The following ABCB4 variants were observed in gnomAD, a reference collection of about 807,000 sequenced individuals.
The protein encoded by ABCB4 is phosphatidylcholine translocator ABCB4.
In ABCB4, 76 loss-of-function variants were observed where a neutral mutation model predicts 145.7. The ratio of observed to expected loss-of-function variants is 0.52; its 90% CI spans 0.43 to 0.63. The LOEUF is 0.63. Among genes scored for constraint, ABCB4 ranks in the 30% least tolerant of loss-of-function variants. The pLI, the probability that ABCB4 is intolerant of heterozygous loss-of-function variation, is 0.00. For synonymous variants in ABCB4, 517 were observed against 566.8 expected (o/e 0.91, Z 1.25); for missense variants, 1,234 against 1,553.1 (o/e 0.79, Z 3.45).
Position 87,444,866 on chromosome 7 carries a change from T to G in ABCB4, c.1115A>C (p.Asp372Ala). The G allele has an allele frequency of 1.9e-6, 3 of 1,603,660 alleles. No homozygotes were observed. The South Asian group carries it at 3.3e-5, about 18-fold the overall frequency. ...CTAAAATAATAAATGACTTACATTA[T>G]CAATAATATCAAAGATCACATATGC... ...GAAYVIFDIIDNNPKIDSFSE... is the reference protein window; with the variant it reads ...GAAYVIFDIIANNPKIDSFSE... The change falls in exon 10 of 28, where the codon GAT (aspartate) becomes GCT (alanine). Residue 372 changes from aspartate to alanine, a missense_variant. Physicochemically the swap from Asp to Ala is moderately radical, Grantham distance 126. This residue lies in a region of ABCB4 where 467 missense variants were observed against 632.8 expected (regional missense o/e 0.74). Transcript: ENST00000649586.
the ABCB4 span, chr7:87,382,222 C>T: frequency 1.8e-5 from 27 of 1,518,032 alleles, no homozygotes; most frequent in African/African-American, 3.1e-4. Flanking sequence ...ATGATTTTTT[C>T]TTTTAACAAC....
At chr7:87,454,824 G>C (rs897728835) in intron 4 of ABCB4, among the ~76,000 whole-genome samples, 9 of 152,204 alleles carry the variant, frequency 5.9e-5, no homozygotes, top group African/African-American at 2.2e-4. Flanking sequence ...GAAAGGGGAA[G>C]ATAAGCCCTC....
chr7:87,416,267 T>G (rs982824914), intron 21 of ABCB4, among the ~76,000 whole-genome samples: 13 of 152,202 alleles, frequency 8.5e-5, no homozygotes, highest in Non-Finnish European at 1.5e-4. Flanking sequence ...GAAACATGGT[T>G]AGTCCGAATG....
chr7:87,418,439 A>C, intron 20 of ABCB4, 98 bp downstream of exon 20: 1 of 1,157,504 alleles, frequency 8.6e-7, no homozygotes, highest in Non-Finnish European at 1.3e-6. Flanking sequence ...GCTTTCTGCT[A>C]TTTCTAGCTG....
At chr7:87,472,925 GATA>G (rs1208089665) in intron 2 of ABCB4, among the ~76,000 whole-genome samples, 2 of 152,106 alleles carry the variant, frequency 1.3e-5, no homozygotes, top group African/African-American at 4.8e-5. Context: ...ACACAGGAAA[GATA>G]AGTATGCTAA....
At chr7:87,398,439 C>G, downstream of ABCB4, 1 of 1,470,060 alleles carries the variant, frequency 6.8e-7, no homozygotes, top group South Asian at 1.1e-5. Flanking sequence ...GTATGAATAT[C>G]CAGATGAAAT....
chr7:87,369,565 C>A, the ABCB4 span: 2 of 774,858 alleles, frequency 2.6e-6, no homozygotes, highest in African/African-American at 1.8e-5. Context: ...AATTGCCTTT[C>A]AAGGTGATAG....
At chr7:87,414,888 AATAG>A (rs1347565886) in intron 21 of ABCB4, among the ~76,000 whole-genome samples, 4 of 152,230 alleles carry the variant, frequency 2.6e-5, no homozygotes, top group Admixed American at 1.3e-4. Flanking sequence ...TTGAAAGGGA[AATAG>A]TATTCCTATT....
rs2302386 is a variant in ABCB4, at chr7:87,462,628, A to G, written c.286+130T>C. On this transcript the variant is annotated intron_variant, in intron 4 of 27. Coordinates refer to ENST00000649586, the MANE Select transcript of ABCB4 (RefSeq NM_000443.4). ...TTCTGAGAATTTTACAACTCCTTCTATGATATCTGGAGTCAACCAGATATC... is the reference window on the plus strand; with the variant it reads ...TTCTGAGAATTTTACAACTCCTTCTGTGATATCTGGAGTCAACCAGATATC... 0.16 allele frequency: 128,990 copies of G among 831,914 alleles called. 11,006 individuals are homozygous for G. The highest frequency in any genetic ancestry group is 0.29 in the African/African-American group (17,097 of 58,432). The allele number at this position is 831,914 out of a possible 1,614,324, so 51.5% of individuals were successfully genotyped here.
intron 3 of ABCB4, among the ~76,000 whole-genome samples, chr7:87,471,626 T>C (rs1813407141): frequency 1.3e-5 from 2 of 152,330 alleles, no homozygotes; most frequent in African/African-American, 4.8e-5. Flanking sequence ...GGATTTCAGC[T>C]GACATGACAC....
chr7:87,440,917 T>A (rs985900975), intron 12 of ABCB4, among the ~76,000 whole-genome samples: 1 of 152,150 alleles, frequency 6.6e-6, no homozygotes, highest in Non-Finnish European at 1.5e-5. Flanking sequence ...ATTTTCTGTA[T>A]TTTTAGTAGA....
At chr7:87,434,002 T>A (rs1473742778) in intron 14 of ABCB4, among the ~76,000 whole-genome samples, 1 of 151,838 alleles carries the variant, frequency 6.6e-6, no homozygotes, top group African/African-American at 2.4e-5. Context: ...TGATCTTGGC[T>A]TATGCAACCT....
rs886044199 is a variant in ABCB4, at chr7:87,406,403, C to T, written c.3371G>A (p.Cys1124Tyr). Residue 1124 changes from cysteine (C) to tyrosine (Y), a missense_variant, in exon 26 of 28, where the codon TGC becomes TAC. Cys to Tyr is a radical substitution (Grantham distance 194, BLOSUM62 -2). Coordinates refer to ENST00000649586, the MANE Select transcript of ABCB4 (RefSeq NM_000443.4). ...ATAGGCAATATTCTCGGCAATGCTG[C>T]AGTCAAATAGGATAGGCTCCTGAGA... ...IVSQEPILFDCSIAENIAYGD... is the reference protein window; with the variant it reads ...IVSQEPILFDYSIAENIAYGD... 2 of 1,614,076 alleles carry T rather than the reference C, an allele frequency of 1.2e-6. No individual in the cohort carries two copies. The highest frequency in any genetic ancestry group is 8.5e-7 in the Non-Finnish European group (1 of 1,180,018).
chr7:87,432,838 T>A (rs1810337663), intron 14 of ABCB4, among the ~76,000 whole-genome samples: 2 of 152,174 alleles, frequency 1.3e-5, no homozygotes, highest in Admixed American at 6.5e-5. Flanking sequence ...GAATTGTATA[T>A]TTTTAAAGGG....
At chr7:87,463,426 C>G (rs1812601822) in intron 3 of ABCB4, among the ~76,000 whole-genome samples, 1 of 152,202 alleles carries the variant, frequency 6.6e-6, no homozygotes, top group South Asian at 2.1e-4. Flanking sequence ...ATAAACATTA[C>G]AGTGTGTCTA....
At chr7:87,411,464 G>C (rs1187408859) in intron 23 of ABCB4, among the ~76,000 whole-genome samples, 1 of 152,178 alleles carries the variant, frequency 6.6e-6, no homozygotes, top group East Asian at 1.9e-4. Flanking sequence ...GTTAGGGAGA[G>C]AGTGCCTTTG....
intron 17 of ABCB4, 83 bp downstream of exon 17, chr7:87,423,823 T>C (rs1584708383): frequency 1.9e-6 from 3 of 1,562,676 alleles, no homozygotes; most frequent in Admixed American, 1.7e-5. Flanking sequence ...AATCCCAGAA[T>C]GGAGCCAGTC....
At chr7:87,393,777 G>C in the ABCB4 span, among the ~76,000 whole-genome samples, 1 of 152,162 alleles carries the variant, frequency 6.6e-6, no homozygotes, top group African/African-American at 2.4e-5. Flanking sequence ...AATTGGAATA[G>C]TAATATGCAT....
In ABCB4 at chr7:87,401,824, T is replaced by G. The variant is rs1185469723; in HGVS notation, c.*272A>C. 1 of 576,618 alleles carries G rather than the reference T, an allele frequency of 1.7e-6. No homozygotes were observed. Among genetic ancestry groups the G allele is most frequent in the Non-Finnish European group, 3.2e-6 (1 of 310,932 alleles). 35.7% of individuals were successfully genotyped at this position (576,618 alleles called of 1,614,324 possible). ...TCTGTGGCTTCTATATTTCTACACC[T>G]GTACTTACCTTGAATTTTGTTCTTT... On this transcript the variant is annotated 3_prime_UTR_variant, in exon 28 of 28. Transcript: ENST00000649586.
Sources: gnomAD v4.1 joint callset for allele counts (sites outside exome capture counted in the v4.1 genomes callset) on GRCh38, gnomAD v4.1.1 for gene constraint, gnomAD v4.1.1 regional missense constraint, MANE v1.5 for transcripts, NCBI Gene and HGNC (gene_info 2026-07-23, HGNC 2026-07-21) for gene names.